CCDC102B: variants seen among roughly 807,000 people sequenced by gnomAD.
CCDC102B encodes the protein coiled-coil domain containing 102B.
In CCDC102B, 75 loss-of-function variants were observed where a neutral mutation model predicts 57.4. The observed-to-expected ratio is 1.31, with a 90% CI of 1.08 to 1.58. The LOEUF (loss-of-function observed/expected upper bound fraction) is 1.58, where lower values mean the gene tolerates loss of function less well. Ranked by LOEUF, CCDC102B falls within the 40% of genes most tolerant of loss-of-function variation. The pLI is 0.00. For synonymous variants in CCDC102B, 206 were observed against 201.9 expected, an observed-to-expected ratio of 1.02 and a Z score of -0.17; for missense variants, 636 against 582.6, an observed-to-expected ratio of 1.09 and a Z score of -0.94.
chr18:68,771,505 A>C (rs2034635809), intron 2 of CCDC102B, among the ~76,000 whole-genome samples: 1 of 152,126 alleles, frequency 6.6e-6, no homozygotes, highest in South Asian at 2.1e-4. Flanking sequence ...AGTCACACAC[A>C]CTTAACTACT....
At chr18:68,844,652 T>C (rs2037779858) in intron 3 of CCDC102B, among the ~76,000 whole-genome samples, 1 of 151,940 alleles carries the variant, frequency 6.6e-6, no homozygotes, top group Admixed American at 6.6e-5. Context: ...AAATGTTAGA[T>C]ATGCAATATA....
chr18:69,055,833 T>C (rs980532368), downstream of CCDC102B, among the ~76,000 whole-genome samples: 3 of 152,086 alleles, frequency 2.0e-5, no homozygotes, highest in African/African-American at 7.2e-5. Flanking sequence ...GGCTCTTTTC[T>C]GAAAGGGTTG....
At chr18:68,811,256 T>C (rs934079836) in intron 1 of CCDC102B, among the ~76,000 whole-genome samples, 1 of 152,214 alleles carries the variant, frequency 6.6e-6, no homozygotes, top group African/African-American at 2.4e-5. Flanking sequence ...TGGTTCTACA[T>C]CCTTTAGGTA....
At chr18:68,910,618 G>A (rs938321531) in intron 6 of CCDC102B, among the ~76,000 whole-genome samples, 12 of 152,274 alleles carry the variant, frequency 7.9e-5, no homozygotes, top group African/African-American at 2.4e-4. Context: ...ATTTAGCTCC[G>A]AGAAAGTAAG....
At chr18:68,765,331 AAGAAAG>A (rs1226607535) in intron 2 of CCDC102B, among the ~76,000 whole-genome samples, 1 of 92,906 alleles carries the variant, frequency 1.1e-5, no homozygotes, top group Non-Finnish European at 2.4e-5. Context: ...GAAGGAAAGA[AAGAAAG>A]AAAGAAAGAA....
chr18:68,836,920 G>T lies in CCDC102B; in HGVS notation c.157G>T (p.Ala53Ser). Residue 53 changes from alanine (A) to serine (S), a missense_variant, in exon 2 of 8, where the codon GCT (alanine) becomes TCT (serine). Ala to Ser is a moderately conservative substitution (Grantham distance 99, BLOSUM62 1). Coordinates refer to ENST00000360242, the MANE Select transcript of CCDC102B (RefSeq NM_024781.3). ...CFPLHGLQSH[A>S]AHNFCAHSYN... ...CCCACTTCATGGGCTACAATCTCAT[G>T]CTGCTCACAATTTCTGTGCTCACTC... 2 of 1,614,118 alleles carry T rather than the reference G, an allele frequency of 1.2e-6. No homozygotes were observed. The highest frequency in any genetic ancestry group is 8.5e-7 in the Non-Finnish European group (1 of 1,180,032).
intron 6 of CCDC102B, among the ~76,000 whole-genome samples, chr18:68,915,154 T>C (rs142031113): frequency 4.9e-4 from 74 of 152,374 alleles, no homozygotes; most frequent in African/African-American, 1.8e-3. Context: ...TATTTTCCCA[T>C]CTGCTGCACT....
intron 2 of CCDC102B, among the ~76,000 whole-genome samples, chr18:68,744,560 A>G (rs1372944338): frequency 6.6e-6 from 1 of 152,182 alleles, no homozygotes; most frequent in Non-Finnish European, 1.5e-5. Flanking sequence ...GAGTTGCTAC[A>G]TAAGAAGTCC....
At chr18:68,759,535 A>AT (rs1376761284) in intron 2 of CCDC102B, among the ~76,000 whole-genome samples, 1 of 152,108 alleles carries the variant, frequency 6.6e-6, no homozygotes. Flanking sequence ...CAACAGACAT[A>AT]TGGGGGGCCA....
At chr18:68,758,244 C>T (rs1014918550) in intron 2 of CCDC102B, among the ~76,000 whole-genome samples, 2 of 151,308 alleles carry the variant, frequency 1.3e-5, no homozygotes, top group East Asian at 1.9e-4. Context: ...ATATGTGTTA[C>T]ATATGTGTAT....
At position 68,906,801 on chromosome 18, in the gene CCDC102B, G is replaced by A. The variant is rs910661260; in HGVS notation, c.1263+9373G>A. 4.1e-5 allele frequency among the ~76,000 whole-genome samples: 6 copies of A among 147,026 alleles called. No individual in the cohort carries two copies. The Admixed American group carries it at 4.1e-4, about 10-fold the overall frequency. On this transcript the variant is annotated intron_variant, in intron 6 of 7. Transcript: ENST00000360242. ...TTATGTCATATTTTCACTTTCTTTT[G>A]ATACACGCAGTTTTACATTTTGACG...
intron 2 of CCDC102B, among the ~76,000 whole-genome samples, chr18:68,784,350 C>G (rs985991060): frequency 7.9e-5 from 12 of 150,964 alleles, no homozygotes; most frequent in African/African-American, 3.0e-4. Context: ...ACAACCAGAT[C>G]TCACGAGAAT....
intron 1 of CCDC102B, among the ~76,000 whole-genome samples, chr18:68,816,558 C>T (rs1369770166): frequency 6.7e-6 from 1 of 149,146 alleles, no homozygotes; most frequent in Non-Finnish European, 1.5e-5. Flanking sequence ...CTCCGCCTCT[C>T]GGATTCACGC....
chr18:68,991,939 A>G (rs1400741085), intron 6 of CCDC102B, among the ~76,000 whole-genome samples: 1 of 152,206 alleles, frequency 6.6e-6, no homozygotes, highest in Non-Finnish European at 1.5e-5. Flanking sequence ...CCTCAGGATA[A>G]CACATAGAAA....
intron 7 of CCDC102B, among the ~76,000 whole-genome samples, chr18:69,050,960 C>T (rs943065841): frequency 3.3e-5 from 5 of 152,154 alleles, no homozygotes; most frequent in Non-Finnish European, 7.3e-5. Flanking sequence ...TCATAGCTTA[C>T]CATAATCCTG....
intron 4 of CCDC102B, 91 bp downstream of exon 4, chr18:68,846,512 T>C (rs1970675): frequency 0.61 from 443,006 of 725,166 alleles, 137,237 homozygotes; most frequent in African/African-American, 0.66. Context: ...GCACAACAGA[T>C]AAGAGGAAGG....
At chr18:68,754,349 G>C (rs2033969605) in intron 2 of CCDC102B, 1 of 152,166 alleles carries the variant, frequency 6.6e-6, no homozygotes. Context: ...TAGAGGAATT[G>C]CTGTTAAATT....
chr18:68,909,425 G>T (rs893273663), intron 6 of CCDC102B, among the ~76,000 whole-genome samples: 3 of 152,118 alleles, frequency 2.0e-5, no homozygotes, highest in African/African-American at 7.2e-5. Context: ...TTTCATACAG[G>T]ATCACCAGTA....
chr18:68,832,543 A>G (rs1477518767), intron 1 of CCDC102B, among the ~76,000 whole-genome samples: 1 of 152,082 alleles, frequency 6.6e-6, no homozygotes, highest in Non-Finnish European at 1.5e-5. Context: ...CAGCAGCCGG[A>G]AACCTTGGTT....
Sources: allele counts gnomAD v4.1 joint callset (sites outside exome capture counted in the v4.1 genomes callset), GRCh38; gene constraint gnomAD v4.1.1; transcripts MANE v1.5; gene names NCBI Gene and HGNC (gene_info 2026-07-23, HGNC 2026-07-21).